Variants in DOCK4 observed in about 807,000 individuals in gnomAD.
DOCK4 encodes dedicator of cytokinesis protein 4.
DOCK4 carries 97 observed loss-of-function variants against 268.1 expected under a neutral mutation model. The observed-to-expected ratio is 0.36, with a 90% CI of 0.31 to 0.43. DOCK4 has a LOEUF of 0.43. Among genes scored for constraint, DOCK4 ranks in the 20% least tolerant of loss-of-function variants. The probability of loss-of-function intolerance (pLI) is 1.00; values close to 1 mark genes in which losing one functional copy is unlikely to be tolerated. For synonymous variants in DOCK4, 954 were observed against 887.2 expected, an observed-to-expected ratio of 1.08 and a Z score of -1.34; for missense variants, 2,145 against 2,455.7, an observed-to-expected ratio of 0.87 and a Z score of 2.67.
chr7:111,979,057 A>G (rs972689225), intron 7 of DOCK4, among the ~76,000 whole-genome samples: 3 of 152,228 alleles, frequency 2.0e-5, no homozygotes, highest in Admixed American at 1.3e-4. Context: ...TTGAGGGATA[A>G]GGTAAATGAC....
chr7:111,877,236 A>T, intron 16 of DOCK4, 50 bp from the exon 17 acceptor site: 2 of 1,268,548 alleles, frequency 1.6e-6, no homozygotes, highest in Non-Finnish European at 2.0e-6. Flanking sequence ...AGATCTCATA[A>T]GAATTATTAA....
At chr7:112,205,925 G>A (rs1463441091) in intron 1 of DOCK4, among the ~76,000 whole-genome samples, 177 bp downstream of exon 1, 1 of 152,162 alleles carries the variant, frequency 6.6e-6, no homozygotes, top group Non-Finnish European at 1.5e-5. Context: ...TGCGGGGCGA[G>A]AGCCTGGTGC....
chr7:111,737,816 GAACA>G (rs1476267691), intron 49 of DOCK4, among the ~76,000 whole-genome samples: 1 of 152,182 alleles, frequency 6.6e-6, no homozygotes, highest in Non-Finnish European at 1.5e-5. Context: ...TCCTGGAGCA[GAACA>G]AACTGAGAAA....
intron 1 of DOCK4, among the ~76,000 whole-genome samples, chr7:112,149,580 AAAG>A (rs67155656): frequency 0.4 from 61,032 of 151,660 alleles, 13,899 homozygotes; most frequent in South Asian, 0.65. Context: ...ACAGAAAATA[AAAG>A]AAGACTATCA....
intron 32 of DOCK4, among the ~76,000 whole-genome samples, chr7:111,786,221 A>G (rs1263197778): frequency 6.6e-6 from 1 of 152,214 alleles, no homozygotes; most frequent in Non-Finnish European, 1.5e-5. Context: ...AGACTAAGAA[A>G]TACCTGAGAT....
chr7:112,050,752 G>A (rs1303592559), intron 1 of DOCK4, among the ~76,000 whole-genome samples: 1 of 152,082 alleles, frequency 6.6e-6, no homozygotes, highest in Non-Finnish European at 1.5e-5. Flanking sequence ...TATATTAGGA[G>A]AATTGCTCAT....
At chr7:112,005,834 CT>C (rs1342821551) in intron 1 of DOCK4, among the ~76,000 whole-genome samples, 1 of 152,176 alleles carries the variant, frequency 6.6e-6, no homozygotes, top group African/African-American at 2.4e-5. Context: ...TCCTCATCAC[CT>C]TCTTGAACAC....
chr7:111,749,939 G>A (rs564786081), intron 42 of DOCK4, among the ~76,000 whole-genome samples: 5 of 152,304 alleles, frequency 3.3e-5, no homozygotes, highest in Non-Finnish European at 5.9e-5. Flanking sequence ...TTACAGTGGG[G>A]ATACTTTTGA....
chr7:111,896,486 G>GCTTTTTTTTTTTTTTT (rs750840339), intron 15 of DOCK4, among the ~76,000 whole-genome samples: 3 of 134,006 alleles, frequency 2.2e-5, no homozygotes, highest in African/African-American at 3.2e-5. Context: ...TTTCCACCAA[G>GCTTTTTTTTTTTTTTT]GTTTTTTTTT....
intron 30 of DOCK4, among the ~76,000 whole-genome samples, chr7:111,795,314 C>A (rs908967865): frequency 2.7e-5 from 4 of 148,824 alleles, no homozygotes; most frequent in Non-Finnish European, 4.4e-5. Flanking sequence ...AACAAACAAA[C>A]AAACAAAACC....
chr7:111,778,667 A>G (rs1050086274), intron 35 of DOCK4, among the ~76,000 whole-genome samples: 2 of 152,208 alleles, frequency 1.3e-5, no homozygotes, highest in Non-Finnish European at 2.9e-5. Context: ...AAAATATTAA[A>G]AATACGTAAC....
At chr7:111,773,073 A>G (rs1271840799) in intron 36 of DOCK4, among the ~76,000 whole-genome samples, 1 of 152,182 alleles carries the variant, frequency 6.6e-6, no homozygotes, top group Admixed American at 6.5e-5. Flanking sequence ...ATCTGAGAAA[A>G]ACTGTGTCTA....
At position 111,728,133 on chromosome 7, in the gene DOCK4, G is replaced by A. The variant is rs539290512; in HGVS notation, c.*141C>T. On this transcript the variant is annotated 3_prime_UTR_variant, in exon 53 of 53. Coordinates refer to ENST00000428084, the MANE Select transcript of DOCK4 (RefSeq NM_001363540.2). Reference sequence around the variant, plus strand: ...AGCAACTTTTAATATTGTGCAACATGATATTTAATAAGCAAGTTTTAATTC... The same window carrying A: ...AGCAACTTTTAATATTGTGCAACATAATATTTAATAAGCAAGTTTTAATTC... 6.8e-6 allele frequency: 4 copies of A among 589,972 alleles called. No individual in the cohort carries two copies. Among genetic ancestry groups the A allele is most frequent in the East Asian group, 3.3e-5 (1 of 30,060 alleles). The allele number at this position is 589,972 out of a possible 1,614,324, so 36.5% of individuals were successfully genotyped here.
At chr7:112,036,009 G>T (rs1199312508) in intron 1 of DOCK4, among the ~76,000 whole-genome samples, 3 of 151,900 alleles carry the variant, frequency 2.0e-5, no homozygotes, top group Admixed American at 1.3e-4. Context: ...TCTACTAGAG[G>T]GAGAAAGACA....
At chr7:112,140,106 T>C (rs1334211351) in intron 1 of DOCK4, among the ~76,000 whole-genome samples, 1 of 152,182 alleles carries the variant, frequency 6.6e-6, no homozygotes, top group Non-Finnish European at 1.5e-5. Context: ...TCTAGATTCA[T>C]GGCTTTTCCC....
intron 36 of DOCK4, among the ~76,000 whole-genome samples, chr7:111,777,522 C>T (rs142500166): frequency 1.2e-4 from 19 of 152,238 alleles, no homozygotes; most frequent in African/African-American, 3.4e-4. Flanking sequence ...CCATCTGATG[C>T]GACTTTCAAT....
Position 111,728,556 on chromosome 7 carries a change from C to T in DOCK4, c.5646G>A (p.Ser1882=), listed in dbSNP as rs754784776. The T allele has an allele frequency of 5.6e-6, 9 of 1,613,918 alleles. No homozygotes were observed. Among genetic ancestry groups the T allele is most frequent in the South Asian group, 5.5e-5 (5 of 91,086 alleles). The change falls in exon 53 of 53, where the codon TCG becomes TCA. Residue 1882 remains serine (S), a synonymous_variant. Coordinates refer to ENST00000428084, the MANE Select transcript of DOCK4 (RefSeq NM_001363540.2). ...CCGGCACTGGCACCGGCAGGGGGGCCGACTGTTCATTCACCTGATTTTCAA... is the reference window on the plus strand; with the variant it reads ...CCGGCACTGGCACCGGCAGGGGGGCTGACTGTTCATTCACCTGATTTTCAA... ...SGFENQVNEQ[S]APLPVPVPVP...
chr7:111,783,853 T>C lies in DOCK4; in HGVS notation c.3524+4A>G, dbSNP rs1585974840. The C allele has an allele frequency of 4.4e-6, 7 of 1,595,550 alleles. No individual in the cohort carries two copies. Among genetic ancestry groups the C allele is most frequent in the Non-Finnish European group, 5.1e-6 (6 of 1,170,314 alleles). On this transcript the variant is annotated splice_donor_region_variant and intron_variant, in intron 34 of 52. Coordinates refer to ENST00000428084, the MANE Select transcript of DOCK4 (RefSeq NM_001363540.2). ...AGTTCAGAAAAACATGCGACTTGGC[T>C]TACCTGTAATCTAACAACCTCTCCA...
At chr7:112,134,341 C>T (rs1248205695) in intron 1 of DOCK4, among the ~76,000 whole-genome samples, 1 of 152,198 alleles carries the variant, frequency 6.6e-6, no homozygotes, top group East Asian at 1.9e-4. Context: ...CCACAAGCAT[C>T]TGATTTCAAT....
Sources: gnomAD v4.1 joint callset for allele counts (sites outside exome capture counted in the v4.1 genomes callset) on GRCh38, gnomAD v4.1.1 for gene constraint, MANE v1.5 for transcripts, NCBI Gene and HGNC (gene_info 2026-07-23, HGNC 2026-07-21) for gene names.